Variants in DNM3 observed in about 807,000 individuals in gnomAD.
DNM3 encodes the protein dynamin-3.
A neutral mutation model predicts 101.6 loss-of-function variants in DNM3; 47 were observed. The observed-to-expected ratio is 0.46, with a 90% CI of 0.37 to 0.59. The LOEUF is 0.59. DNM3 is among the 20% of genes least tolerant of loss of function. The probability of loss-of-function intolerance (pLI) is 0.00; values close to 1 mark genes in which losing one functional copy is unlikely to be tolerated. For missense variants in DNM3, 849 were observed against 1,085.7 expected, an observed-to-expected ratio of 0.78 and a Z score of 3.06; for synonymous variants, 385 against 387.9, an observed-to-expected ratio of 0.99 and a Z score of 0.09.
chr1:171,902,815 A>G (rs1040946415), intron 1 of DNM3, among the ~76,000 whole-genome samples: 2 of 152,154 alleles, frequency 1.3e-5, no homozygotes, highest in African/African-American at 4.8e-5. Flanking sequence ...AACTACTTGT[A>G]TTCTTCTGTG....
intron 12 of DNM3, among the ~76,000 whole-genome samples, chr1:172,091,320 T>C (rs1390463095): frequency 6.6e-6 from 1 of 151,992 alleles, no homozygotes; most frequent in African/African-American, 2.4e-5. Context: ...ACACAAAAAA[T>C]AAATACACCG....
At chr1:172,273,190 A>T (rs1350156085) in intron 15 of DNM3, among the ~76,000 whole-genome samples, 1 of 151,976 alleles carries the variant, frequency 6.6e-6, no homozygotes, top group African/African-American at 2.4e-5. Context: ...GTTTCTTTGC[A>T]TTAGATGCCT....
intron 14 of DNM3, among the ~76,000 whole-genome samples, chr1:172,244,405 G>T (rs931436034): frequency 1.3e-5 from 2 of 152,016 alleles, no homozygotes; most frequent in Non-Finnish European, 2.9e-5. Context: ...ACTAGCATCA[G>T]AGTGAACAGG....
chr1:172,353,148 G>A (rs2067273386), intron 17 of DNM3, among the ~76,000 whole-genome samples: 1 of 152,098 alleles, frequency 6.6e-6, no homozygotes. Context: ...CTGCACCTTT[G>A]CATGTGTAGT....
rs555893627 is a variant in DNM3, at chr1:171,994,354, T to C, written c.589+5206T>C. On this transcript the variant is annotated intron_variant, in intron 4 of 20. Transcript: ENST00000627582. ...TCTTTGTCGTGTGTGGCCACTTAAG[T>C]CTTTGCTCAGCATTTTTTTTTAGTG... Among the ~76,000 whole-genome samples, 4 of 152,280 alleles carry C rather than the reference T, an allele frequency of 2.6e-5. No homozygotes were observed. In the East Asian group the frequency reaches 5.8e-4, roughly 22 times the overall value.
At chr1:172,171,247 T>G (rs2058947726) in intron 14 of DNM3, among the ~76,000 whole-genome samples, 1 of 151,832 alleles carries the variant, frequency 6.6e-6, no homozygotes, top group Non-Finnish European at 1.5e-5. Context: ...TTACTCTATA[T>G]TACCTTCTTT....
intron 14 of DNM3, among the ~76,000 whole-genome samples, chr1:172,221,739 A>C (rs1287362027): frequency 6.6e-6 from 1 of 151,852 alleles, no homozygotes; most frequent in African/African-American, 2.4e-5. Flanking sequence ...CACACACCAC[A>C]CTGTCTCTCT....
At chr1:172,375,392 C>T (rs796750678) in intron 17 of DNM3, among the ~76,000 whole-genome samples, 78 of 152,114 alleles carry the variant, frequency 5.1e-4, no homozygotes, top group African/African-American at 1.8e-3. Flanking sequence ...TTAACCCATA[C>T]CCTTCCAGCC....
intron 20 of DNM3, among the ~76,000 whole-genome samples, chr1:172,404,233 T>C (rs2070719103): frequency 6.6e-6 from 1 of 152,152 alleles, no homozygotes; most frequent in Non-Finnish European, 1.5e-5. Context: ...TTTTATCTTT[T>C]ATTATTTTAA....
chr1:171,959,378 A>C (rs1023613601), intron 2 of DNM3, among the ~76,000 whole-genome samples: 1 of 152,188 alleles, frequency 6.6e-6, no homozygotes. Flanking sequence ...TCAGGTTTCT[A>C]GCTTGGGTTA....
intron 1 of DNM3, among the ~76,000 whole-genome samples, chr1:171,916,979 C>G (rs1005319257): frequency 1.3e-5 from 2 of 152,162 alleles, no homozygotes; most frequent in African/African-American, 4.8e-5. Context: ...CTGGCAGCTC[C>G]TCCAAGCAGG....
At chr1:172,164,880 A>G (rs2058692696) in intron 14 of DNM3, among the ~76,000 whole-genome samples, 1 of 152,056 alleles carries the variant, frequency 6.6e-6, no homozygotes, top group Non-Finnish European at 1.5e-5. Flanking sequence ...TAGGGTGGTC[A>G]AAAGTGGCTG....
chr1:171,877,276 A>C (rs1482560293), intron 1 of DNM3, among the ~76,000 whole-genome samples: 1 of 152,232 alleles, frequency 6.6e-6, no homozygotes, highest in African/African-American at 2.4e-5. Flanking sequence ...GAATATTTTA[A>C]ACCCAAGGAT....
At chr1:172,100,381 C>G (rs1229053120) in intron 13 of DNM3, among the ~76,000 whole-genome samples, 1 of 152,168 alleles carries the variant, frequency 6.6e-6, no homozygotes, top group Non-Finnish European at 1.5e-5. Context: ...ATAAATGGAC[C>G]TCACTATCCT....
chr1:172,378,807 C>T (rs1207447882), intron 17 of DNM3, among the ~76,000 whole-genome samples: 1 of 151,934 alleles, frequency 6.6e-6, no homozygotes, highest in African/African-American at 2.4e-5. Flanking sequence ...ACTTGCTTTC[C>T]CTAGAATGTG....
At chr1:172,071,086 C>CATATATCTATATAT (rs2052132314) in intron 11 of DNM3, among the ~76,000 whole-genome samples, 1 of 65,086 alleles carries the variant, frequency 1.5e-5, no homozygotes, top group African/African-American at 7.7e-5. Flanking sequence ...CAAGACCCTG[C>CATATATCTATATAT]ATATATATAT....
At chr1:172,208,708 G>A (rs1349354672) in intron 14 of DNM3, among the ~76,000 whole-genome samples, 1 of 151,988 alleles carries the variant, frequency 6.6e-6, no homozygotes, top group East Asian at 1.9e-4. Context: ...CATGTATTTG[G>A]TCTTACGTTA....
chr1:171,997,813 T>TA (rs1260546500), intron 4 of DNM3, among the ~76,000 whole-genome samples: 1 of 152,074 alleles, frequency 6.6e-6, no homozygotes, highest in African/African-American at 2.4e-5. Context: ...TCCACCATTC[T>TA]AAAAAATAGG....
intron 16 of DNM3, among the ~76,000 whole-genome samples, chr1:172,312,843 A>G (rs2065139736): frequency 6.6e-6 from 1 of 152,206 alleles, no homozygotes; most frequent in Non-Finnish European, 1.5e-5. Flanking sequence ...AAAATACAAC[A>G]GCCCTACTAT....
Sources: allele counts gnomAD v4.1 joint callset (sites outside exome capture counted in the v4.1 genomes callset), GRCh38; gene constraint gnomAD v4.1.1; transcripts MANE v1.5; gene names NCBI Gene and HGNC (gene_info 2026-07-23, HGNC 2026-07-21).